CELF2: variants seen among roughly 807,000 people sequenced by gnomAD.
The protein encoded by CELF2 is CUGBP Elav-like family member 2.
Under a neutral mutation model 62.6 loss-of-function variants are expected in CELF2, and 8 were observed. That is an observed-to-expected ratio of 0.13 (90% CI 0.07 to 0.23). The LOEUF is 0.23. CELF2 is among the 10% of genes least tolerant of loss of function. CELF2 has a pLI of 1.00. For missense variants in CELF2, 333 were observed against 671.0 expected (o/e 0.50, Z 5.56); for synonymous variants, 258 against 250.0 (o/e 1.03, Z -0.30).
intron 2 of CELF2, among the ~76,000 whole-genome samples, chr10:10,986,040 T>G (rs2052709384): frequency 6.6e-6 from 1 of 152,230 alleles, no homozygotes; most frequent in African/African-American, 2.4e-5. Flanking sequence ...AGAGGGAATT[T>G]TAACCATTCA....
chr10:10,771,447 T>C, the CELF2 span, among the ~76,000 whole-genome samples: 1 of 152,208 alleles, frequency 6.6e-6, no homozygotes, highest in Non-Finnish European at 1.5e-5. Context: ...TCCCTGATTC[T>C]GGTTTCTGAA....
intron 1 of CELF2, among the ~76,000 whole-genome samples, chr10:11,058,084 A>C (rs1400217213): frequency 1.4e-4 from 22 of 151,962 alleles, no homozygotes; most frequent in Non-Finnish European, 2.8e-4. Context: ...AAAAAAAAAA[A>C]ACGGAATCTA....
At chr10:10,539,467 G>T in the CELF2 span, among the ~76,000 whole-genome samples, 9 of 64,952 alleles carry the variant, frequency 1.4e-4, no homozygotes, top group Non-Finnish European at 1.9e-4. Flanking sequence ...CCCCACCTCT[G>T]TGCTACTTTA....
At chr10:10,860,680 C>G (rs542936213) in intron 1 of CELF2, among the ~76,000 whole-genome samples, 2 of 152,256 alleles carry the variant, frequency 1.3e-5, no homozygotes, top group South Asian at 4.1e-4. Context: ...CACTCAGAAC[C>G]AGGAGAGGTT....
At chr10:11,104,988 T>C (rs895363734) in intron 1 of CELF2, among the ~76,000 whole-genome samples, 1 of 152,196 alleles carries the variant, frequency 6.6e-6, no homozygotes, top group Non-Finnish European at 1.5e-5. Flanking sequence ...TGGTCCACTG[T>C]CACAGAATGA....
intron 1 of CELF2, among the ~76,000 whole-genome samples, chr10:10,890,985 A>T (rs1040200643): frequency 6.6e-6 from 1 of 152,078 alleles, no homozygotes; most frequent in African/African-American, 2.4e-5. Context: ...ATTGCACTCC[A>T]GCCTGGGCGA....
chr10:10,923,687 A>G (rs2065137365), intron 2 of CELF2, among the ~76,000 whole-genome samples: 1 of 152,266 alleles, frequency 6.6e-6, no homozygotes, highest in African/African-American at 2.4e-5. Context: ...AGCAACATGC[A>G]CTAAGCATTG....
the CELF2 span, among the ~76,000 whole-genome samples, chr10:10,533,396 T>C: frequency 2.0e-5 from 3 of 152,220 alleles, no homozygotes; most frequent in African/African-American, 7.2e-5. Context: ...TACAAACTTT[T>C]AATGATCATT....
intron 2 of CELF2, among the ~76,000 whole-genome samples, chr10:10,999,402 G>C (rs1033091057): frequency 1.3e-5 from 2 of 152,182 alleles, no homozygotes; most frequent in Admixed American, 6.5e-5. Flanking sequence ...GTTTCAGAGG[G>C]TGATATAGAA....
At chr10:10,558,934 C>A in the CELF2 span, among the ~76,000 whole-genome samples, 1 of 152,054 alleles carries the variant, frequency 6.6e-6, no homozygotes, top group Non-Finnish European at 1.5e-5. Context: ...ATAAAATGTA[C>A]ACTGAATTTC....
the CELF2 span, among the ~76,000 whole-genome samples, chr10:10,677,140 T>C: frequency 6.6e-6 from 1 of 152,214 alleles, no homozygotes; most frequent in Non-Finnish European, 1.5e-5. Flanking sequence ...GCCAAGATTA[T>C]TCTCTGGGGA....
chr10:10,482,613 T>A, the CELF2 span, among the ~76,000 whole-genome samples: 2 of 152,220 alleles, frequency 1.3e-5, no homozygotes, highest in African/African-American at 4.8e-5. Flanking sequence ...AACAGTGTAT[T>A]GATTATGCTT....
At chr10:10,568,227 A>G in the CELF2 span, among the ~76,000 whole-genome samples, 2 of 152,104 alleles carry the variant, frequency 1.3e-5, no homozygotes, top group African/African-American at 4.8e-5. Context: ...GCAGGAGGAC[A>G]AGATTCCAAA....
chr10:10,654,831 C>G, the CELF2 span, among the ~76,000 whole-genome samples: 109 of 150,684 alleles, frequency 7.2e-4, no homozygotes, highest in Non-Finnish European at 1.4e-3. Context: ...CCCTCTCTCA[C>G]CACTCCTATT....
At position 11,262,548 on chromosome 10, in the gene CELF2, A is replaced by G. The variant is rs368449847; in HGVS notation, c.539-4050A>G. On this transcript the variant is annotated intron_variant, in intron 5 of 12. Coordinates refer to ENST00000633077, the MANE Select transcript of CELF2 (RefSeq NM_001326342.2). ...ACAGACTTCCAATCTTATCTCAGTGATGAGATTTTGCCAGCTATTAAGTAG... is the reference window on the plus strand; with the variant it reads ...ACAGACTTCCAATCTTATCTCAGTGGTGAGATTTTGCCAGCTATTAAGTAG... Among the ~76,000 whole-genome samples the G allele has an allele frequency of 1.3e-4, 20 of 152,130 alleles. No homozygotes were observed. The East Asian group carries it at 1.5e-3, about 12-fold the overall frequency.
chr10:10,936,026 G>A lies in CELF2; in HGVS notation c.89+16027G>A, dbSNP rs1438383056. Among the ~76,000 whole-genome samples, 1 of 151,954 alleles carries A rather than the reference G, an allele frequency of 6.6e-6. No homozygotes were observed. Among genetic ancestry groups the A allele is most frequent in the Non-Finnish European group, 1.5e-5 (1 of 68,000 alleles). ...AAAAAAAAAAAATTAGCCAGGCGTGGTGGCACACACCTGTAGTCCCAGCTA... is the reference window on the plus strand; with the variant it reads ...AAAAAAAAAAAATTAGCCAGGCGTGATGGCACACACCTGTAGTCCCAGCTA... On this transcript the variant is annotated intron_variant, in intron 2 of 13. Coordinates refer to the CELF2 transcript ENST00000636488. This position sits in a 1 kb window ranked among gnomAD's most constrained non-coding sequence, Gnocchi z 4.0.
chr10:10,563,761 TA>T, the CELF2 span, among the ~76,000 whole-genome samples: 1 of 152,162 alleles, frequency 6.6e-6, no homozygotes, highest in East Asian at 1.9e-4. Flanking sequence ...CCATTCTATG[TA>T]ATGTGTATTC....
intron 1 of CELF2, among the ~76,000 whole-genome samples, chr10:11,027,053 G>T (rs1412357749): frequency 2.0e-5 from 3 of 152,104 alleles, no homozygotes; most frequent in African/African-American, 7.2e-5. Flanking sequence ...GCCTCCAACT[G>T]CAATTAGTCA....
chr10:10,513,052 C>T, the CELF2 span, among the ~76,000 whole-genome samples: 37 of 152,236 alleles, frequency 2.4e-4, no homozygotes, highest in Admixed American at 5.9e-4. Context: ...CAAGGCTGTT[C>T]GGATCACCCA....
Sources: gnomAD v4.1 joint callset for allele counts (sites outside exome capture counted in the v4.1 genomes callset) on GRCh38, gnomAD v4.1.1 for gene constraint, Gnocchi (gnomAD v3.1) non-coding constraint, MANE v1.5 for transcripts, NCBI Gene and HGNC (gene_info 2026-07-23, HGNC 2026-07-21) for gene names.